The following ZNF385B variants were observed in gnomAD, a reference collection of about 807,000 sequenced individuals.
The protein encoded by ZNF385B is zinc finger protein 533.
A neutral mutation model predicts 39.2 loss-of-function variants in ZNF385B; 23 were observed. The ratio of observed to expected loss-of-function variants is 0.59; its 90% CI spans 0.42 to 0.83. ZNF385B has a LOEUF of 0.83. Among genes scored for constraint, ZNF385B ranks in the 40% least tolerant of loss-of-function variants. The pLI, the probability that ZNF385B is intolerant of heterozygous loss-of-function variation, is 0.00. For missense variants in ZNF385B, 552 were observed against 598.9 expected, an observed-to-expected ratio of 0.92 and a Z score of 0.82; for synonymous variants, 205 against 222.6, an observed-to-expected ratio of 0.92 and a Z score of 0.70.
chr2:179,640,894 A>G (rs1483487544), intron 3 of ZNF385B, among the ~76,000 whole-genome samples: 1 of 152,204 alleles, frequency 6.6e-6, no homozygotes, highest in Non-Finnish European at 1.5e-5. Flanking sequence ...TGTCAAACAC[A>G]TGGATCATTT....
chr2:179,647,524 A>T (rs1293967763), intron 3 of ZNF385B, among the ~76,000 whole-genome samples: 1 of 152,156 alleles, frequency 6.6e-6, no homozygotes, highest in Non-Finnish European at 1.5e-5. Context: ...AGAGGACCAC[A>T]GTCTCCTGCG....
intron 3 of ZNF385B, among the ~76,000 whole-genome samples, chr2:179,577,052 T>G (rs963706042): frequency 9.9e-5 from 15 of 152,110 alleles, no homozygotes; most frequent in African/African-American, 3.6e-4. Flanking sequence ...AAACTGGATA[T>G]AAAAATATAT....
intron 3 of ZNF385B, among the ~76,000 whole-genome samples, chr2:179,615,590 A>C (rs1205883206): frequency 6.6e-6 from 1 of 152,244 alleles, no homozygotes; most frequent in Non-Finnish European, 1.5e-5. Flanking sequence ...GATAAACTAA[A>C]TACAGGATAT....
chr2:179,591,444 C>T (rs1301276978), intron 3 of ZNF385B, among the ~76,000 whole-genome samples: 3 of 152,020 alleles, frequency 2.0e-5, no homozygotes, highest in Non-Finnish European at 1.5e-5. Flanking sequence ...ATTACAGAAC[C>T]CAGTGGGAGG....
chr2:179,627,243 G>A (rs1017146567), intron 3 of ZNF385B, among the ~76,000 whole-genome samples: 7 of 152,124 alleles, frequency 4.6e-5, no homozygotes, highest in Admixed American at 4.6e-4. Context: ...CTGAAAAGAT[G>A]ATCAGCTTCA....
Position 179,690,191 on chromosome 2 carries a change from C to T in ZNF385B, c.298+79312G>A, listed in dbSNP as rs562701983. Among the ~76,000 whole-genome samples, 8 of 152,108 alleles carry T rather than the reference C, an allele frequency of 5.3e-5. No individual in the cohort carries two copies. In the South Asian group the frequency reaches 1.5e-3, roughly 28 times the overall value. On this transcript the variant is annotated intron_variant, in intron 3 of 9. Transcript: ENST00000410066. ...ATGAGAAAATGCAGAGGGAGTGTGT[C>T]GCCTTCCTAGAGATGACAGAGGGGA...
chr2:179,496,339 A>T (rs1462107219), intron 5 of ZNF385B, among the ~76,000 whole-genome samples: 4 of 152,196 alleles, frequency 2.6e-5, no homozygotes, highest in African/African-American at 9.7e-5. Flanking sequence ...TACCCACAGG[A>T]TCTAAAAACA....
intron 3 of ZNF385B, among the ~76,000 whole-genome samples, chr2:179,714,714 G>A (rs1700207547): frequency 6.6e-6 from 1 of 151,990 alleles, no homozygotes; most frequent in African/African-American, 2.4e-5. Context: ...GGGAGGGGGA[G>A]GCGGGCGGAT....
intron 3 of ZNF385B, among the ~76,000 whole-genome samples, chr2:179,740,867 A>G (rs1575398602): frequency 6.6e-6 from 1 of 152,156 alleles, no homozygotes; most frequent in Admixed American, 6.6e-5. Flanking sequence ...GAGGCAAAAA[A>G]TATCTTGAGA....
At chr2:179,700,002 C>T (rs1699060259) in intron 3 of ZNF385B, among the ~76,000 whole-genome samples, 1 of 151,840 alleles carries the variant, frequency 6.6e-6, no homozygotes, top group African/African-American at 2.4e-5. Flanking sequence ...TCCCTGCTCT[C>T]TTCATTGAGG....
At chr2:179,803,728 TC>T (rs1240273452) in intron 1 of ZNF385B, among the ~76,000 whole-genome samples, 1 of 151,692 alleles carries the variant, frequency 6.6e-6, no homozygotes. Flanking sequence ...CTATAAAGCA[TC>T]AAAGAAAGAT....
chr2:179,533,169 TGAG>T (rs960581825), intron 4 of ZNF385B, among the ~76,000 whole-genome samples: 20 of 152,172 alleles, frequency 1.3e-4, no homozygotes, highest in African/African-American at 4.1e-4. Flanking sequence ...GCCAGGCCTG[TGAG>T]GCAGCAGCAC....
At chr2:179,765,874 T>C (rs900659141) in intron 3 of ZNF385B, among the ~76,000 whole-genome samples, 3 of 152,194 alleles carry the variant, frequency 2.0e-5, no homozygotes, top group African/African-American at 4.8e-5. Flanking sequence ...GGATCTTTTA[T>C]ATGCAAACTA....
intron 8 of ZNF385B, 141 bp downstream of exon 8, chr2:179,445,409 C>G (rs2049371063): frequency 1.4e-6 from 1 of 717,388 alleles, no homozygotes; most frequent in South Asian, 2.0e-5. Flanking sequence ...ATGTTAGCAC[C>G]TATATGTTGC....
intron 5 of ZNF385B, among the ~76,000 whole-genome samples, chr2:179,502,468 T>C (rs1001031531): frequency 2.6e-5 from 4 of 152,148 alleles, no homozygotes; most frequent in Non-Finnish European, 5.9e-5. Flanking sequence ...TCCTTTGCTG[T>C]TCTTATGTTA....
In ZNF385B at chr2:179,476,124, A is replaced by G. The variant is rs2053426487; in HGVS notation, c.715+7148T>C. Among the ~76,000 whole-genome samples the G allele has an allele frequency of 1.3e-5, 2 of 151,720 alleles. 1 individual carries two copies. Among genetic ancestry groups the G allele is most frequent in the East Asian group, 3.9e-4 (2 of 5,150 alleles). On this transcript the variant is annotated intron_variant, in intron 6 of 9. Coordinates refer to ENST00000410066, the MANE Select transcript of ZNF385B (RefSeq NM_152520.6). ...CGTATTTATTGAGGAGCTCTATTTGATCATCCACCTGTGTCAGAAAAATAT... is the reference window on the plus strand; with the variant it reads ...CGTATTTATTGAGGAGCTCTATTTGGTCATCCACCTGTGTCAGAAAAATAT...
intron 1 of ZNF385B, among the ~76,000 whole-genome samples, chr2:179,775,154 AGGTCAGTAGAGAGGGTTCATTTC>A (rs2096557596): frequency 1.3e-5 from 2 of 152,188 alleles, no homozygotes; most frequent in Non-Finnish European, 2.9e-5. Context: ...GAAAACTAAA[AGGTCAGTAGAGAGGGTTCATTTC>A]ATTGAATGTT....
At chr2:179,466,158 G>T (rs1317391652) in intron 6 of ZNF385B, among the ~76,000 whole-genome samples, 1 of 152,106 alleles carries the variant, frequency 6.6e-6, no homozygotes, top group African/African-American at 2.4e-5. Context: ...AATGTCACTT[G>T]AGGTTAAAAC....
intron 3 of ZNF385B, among the ~76,000 whole-genome samples, chr2:179,670,311 AT>A (rs1244178400): frequency 4.2e-4 from 63 of 151,150 alleles, no homozygotes; most frequent in Non-Finnish European, 7.4e-4. Flanking sequence ...AAAAAAAAAA[AT>A]CATGGTGCTA....
Sources: allele counts gnomAD v4.1 joint callset (sites outside exome capture counted in the v4.1 genomes callset), GRCh38; gene constraint gnomAD v4.1.1; transcripts MANE v1.5; gene names NCBI Gene and HGNC (gene_info 2026-07-23, HGNC 2026-07-21).